Variants in CPSF7 observed in about 807,000 individuals in gnomAD.
CPSF7 encodes the protein cleavage and polyadenylation specificity factor subunit 7.
A neutral mutation model predicts 44.3 loss-of-function variants in CPSF7; 1 was observed. That is an observed-to-expected ratio of 0.02 (90% CI 0.01 to 0.11). CPSF7 has a LOEUF of 0.11. Ranked by LOEUF, CPSF7 falls within the 10% of genes least tolerant of loss-of-function variation. The pLI, the probability that CPSF7 is intolerant of heterozygous loss-of-function variation, is 1.00. For missense variants in CPSF7, 443 were observed against 607.2 expected (o/e 0.73, Z 2.84); for synonymous variants, 202 against 222.0 (o/e 0.91, Z 0.80).
intron 3 of CPSF7, chr11:61,420,828 C>T (rs1410391873): frequency 3.7e-6 from 2 of 542,098 alleles, no homozygotes; most frequent in East Asian, 6.7e-5. Context: ...TTTGGGCTGG[C>T]TGGTCATCAG....
rs17704641 is a variant in CPSF7 at position 61,415,916 on chromosome 11, C to T, written c.939-132G>A. On this transcript the variant is annotated intron_variant, in intron 6 of 9. Coordinates refer to ENST00000439958, the MANE Select transcript of CPSF7 (RefSeq NM_001142565.3). ...CTGTAGCATTCATAACACCTGCTCC[C>T]GCATTTAATTAAGCACCTTAAAAAG... The T allele has an allele frequency of 0.12, 101,448 of 846,474 alleles. 7,081 individuals are homozygous for T. Among genetic ancestry groups the T allele is most frequent in the South Asian group, 0.15 (8,659 of 58,416 alleles). The allele number at this position is 846,474 out of a possible 1,614,324, so 52.4% of individuals were successfully genotyped here.
At chr11:61,429,853 T>C (rs1390052574) in intron 1 of CPSF7, 61 bp downstream of exon 1, 2 of 1,542,922 alleles carry the variant, frequency 1.3e-6, no homozygotes, top group Admixed American at 2.0e-5. Context: ...CCTTCCCGCC[T>C]CAGTGCCGGC....
At chr11:61,421,633 G>A (rs1266878493) in intron 2 of CPSF7, 25 bp from the exon 3 acceptor site, 1 of 1,540,104 alleles carries the variant, frequency 6.5e-7, no homozygotes, top group Non-Finnish European at 9.0e-7. Context: ...GTTGGCAAAG[G>A]TAGGTCTGCA....
intron 2 of CPSF7, among the ~76,000 whole-genome samples, chr11:61,425,245 A>G (rs1164930402): frequency 6.6e-6 from 1 of 152,240 alleles, no homozygotes; most frequent in Non-Finnish European, 1.5e-5. Context: ...TTAATCCCCC[A>G]GCATCACAAT....
Position 61,429,286 on chromosome 11 carries a change from T to A in CPSF7, c.-51A>T, listed in dbSNP as rs1278211166. 1 of 1,604,580 alleles carries A rather than the reference T, an allele frequency of 6.2e-7. No homozygotes were observed. Among genetic ancestry groups the A allele is most frequent in the African/African-American group, 1.3e-5 (1 of 74,756 alleles). ...CGGAGGATGGACAAAGTAAGGAAGA[T>A]GCCACTGCGGGATTCGGAAAAATGC... is the stretch of plus-strand genomic sequence containing the variant. On this transcript the variant is annotated 5_prime_UTR_variant, in exon 2 of 10. Transcript: ENST00000439958.
At chr11:61,412,158 T>C (rs558137489) in intron 7 of CPSF7, among the ~76,000 whole-genome samples, 1 of 152,344 alleles carries the variant, frequency 6.6e-6, no homozygotes, top group Admixed American at 6.5e-5. Context: ...ACTGACACAC[T>C]GTTGTCCAGG....
At chr11:61,419,738 AC>A (rs1376753045) in intron 5 of CPSF7, among the ~76,000 whole-genome samples, 4 of 152,166 alleles carry the variant, frequency 2.6e-5, no homozygotes, top group African/African-American at 9.7e-5. Context: ...ACCTGAACCT[AC>A]TTGACTCCCA....
chr11:61,414,558 A>G (rs1860143706), intron 7 of CPSF7, among the ~76,000 whole-genome samples: 2 of 152,246 alleles, frequency 1.3e-5, no homozygotes, highest in Admixed American at 6.5e-5. Context: ...GTTTGGCAAG[A>G]TGATGCAAAG....
intron 2 of CPSF7, among the ~76,000 whole-genome samples, chr11:61,422,659 AT>A (rs1436757129): frequency 2.6e-5 from 4 of 152,204 alleles, no homozygotes; most frequent in Non-Finnish European, 5.9e-5. Flanking sequence ...TCTCTAAAAT[AT>A]AAGGGCCAGA....
chr11:61,409,895 G>A (rs562290145), intron 9 of CPSF7, among the ~76,000 whole-genome samples: 3 of 152,040 alleles, frequency 2.0e-5, no homozygotes, highest in Admixed American at 6.6e-5. Flanking sequence ...GCTTGAACCC[G>A]GGAAGTGGGG....
At chr11:61,413,503 C>T (rs1474896467) in intron 7 of CPSF7, among the ~76,000 whole-genome samples, 1 of 151,828 alleles carries the variant, frequency 6.6e-6, no homozygotes, top group Non-Finnish European at 1.5e-5. Context: ...GTGTGGCATG[C>T]ACCTGTAATG....
chr11:61,420,982 C>T, intron 3 of CPSF7: 1 of 890,488 alleles, frequency 1.1e-6, no homozygotes, highest in Non-Finnish European at 1.6e-6. Flanking sequence ...CACAAAATAA[C>T]TTGCAGAACA....
In CPSF7 at chr11:61,402,943, CTA is replaced by C. The variant is rs1377864002; in HGVS notation, c.*1765_*1766del. On this transcript the variant is annotated 3_prime_UTR_variant, in exon 10 of 10. Coordinates refer to ENST00000439958, the MANE Select transcript of CPSF7 (RefSeq NM_001142565.3). ...CCGGGTAAACGGCATTTCTGGTATT[CTA>C]TATATATTTTTCCTTAAACTGTCAC... The C allele has an allele frequency of 6.6e-6, 1 of 151,992 alleles. No individual in the cohort carries two copies. Among genetic ancestry groups the C allele is most frequent in the Non-Finnish European group, 1.5e-5 (1 of 68,024 alleles). 9.4% of individuals were successfully genotyped at this position (151,992 alleles called of 1,614,324 possible). A position where few individuals can be genotyped will look rare whatever the true frequency, so the allele number is the denominator to read the frequency against.
intron 1 of CPSF7, chr11:61,429,646 G>A (rs1861760236): frequency 8.0e-7 from 1 of 1,253,994 alleles, no homozygotes; most frequent in East Asian, 2.6e-5. Context: ...TAGCCCCCAA[G>A]GCGGCTCCGG....
intron 9 of CPSF7, among the ~76,000 whole-genome samples, chr11:61,410,059 CTGAAG>C (rs1025534650): frequency 2.0e-5 from 3 of 151,972 alleles, no homozygotes; most frequent in Non-Finnish European, 4.4e-5. Flanking sequence ...TCCCAAATTA[CTGAAG>C]TGATGGGATT....
intron 5 of CPSF7, 41 bp downstream of exon 5, chr11:61,419,908 T>A (rs1325052405): frequency 6.5e-7 from 1 of 1,545,572 alleles, no homozygotes. Context: ...CTCATACAGA[T>A]GGTCTCCACG....
At chr11:61,412,482 A>G (rs1226720153) in intron 7 of CPSF7, among the ~76,000 whole-genome samples, 1 of 151,984 alleles carries the variant, frequency 6.6e-6, no homozygotes, top group Non-Finnish European at 1.5e-5. Context: ...ATAGAGACGG[A>G]GTTTCACCGT....
chr11:61,409,504 AAAC>A (rs1301387097), intron 9 of CPSF7, among the ~76,000 whole-genome samples: 4 of 152,092 alleles, frequency 2.6e-5, no homozygotes, highest in African/African-American at 9.7e-5. Context: ...ACAACAAAAT[AAAC>A]AACCTTGTCA....
chr11:61,425,844 C>CT (rs1169515129), intron 2 of CPSF7, among the ~76,000 whole-genome samples: 2 of 152,116 alleles, frequency 1.3e-5, no homozygotes, highest in Admixed American at 6.6e-5. Context: ...CAGGGACCCA[C>CT]TTTTTTTTCC....
Sources: allele counts gnomAD v4.1 joint callset (sites outside exome capture counted in the v4.1 genomes callset), GRCh38; gene constraint gnomAD v4.1.1; transcripts MANE v1.5; gene names NCBI Gene and HGNC (gene_info 2026-07-23, HGNC 2026-07-21).